Variants in RNF157 observed in about 807,000 individuals in gnomAD.
RNF157 encodes the protein ring finger protein 157.
A neutral mutation model predicts 88.3 loss-of-function variants in RNF157; 55 were observed. The observed-to-expected ratio is 0.62, with a 90% CI of 0.50 to 0.78. The LOEUF (loss-of-function observed/expected upper bound fraction) is 0.78. Ranked by LOEUF, RNF157 falls within the 30% of genes least tolerant of loss-of-function variation. The pLI is 0.00. For synonymous variants in RNF157, 334 were observed against 341.2 expected (o/e 0.98, Z 0.23); for missense variants, 788 against 860.8 (o/e 0.92, Z 1.06).
At chr17:76,226,118 C>T (rs200011009) in intron 1 of RNF157, 17 of 1,600,466 alleles carry the variant, frequency 1.1e-5, no homozygotes, top group Non-Finnish European at 1.4e-5. Flanking sequence ...CTGAGGAGAC[C>T]CCAGATAGGA....
chr17:76,218,072 G>A (rs985493566), intron 1 of RNF157, among the ~76,000 whole-genome samples: 1 of 151,974 alleles, frequency 6.6e-6, no homozygotes, highest in African/African-American at 2.4e-5. Context: ...TTAACGTTAT[G>A]TGTTTTTTTG....
chr17:76,185,184 A>G (rs77001045), intron 2 of RNF157, among the ~76,000 whole-genome samples: 4,506 of 152,264 alleles, frequency 0.03, 210 homozygotes, highest in African/African-American at 0.1. Flanking sequence ...CTACATGGCT[A>G]CGTGAACTGC....
Position 76,225,744 on chromosome 17 carries a change from C to T in RNF157, c.89-13262G>A, listed in dbSNP as rs1598443591. The T allele has an allele frequency of 3.9e-6, 6 of 1,524,404 alleles. No homozygotes were observed. The East Asian group carries it at 1.4e-4, about 34-fold the overall frequency. The allele number at this position is 1,524,404 out of a possible 1,614,324, so 94.4% of individuals were successfully genotyped here. ...CAAGCACGTTGACACTCCTGACCTACCCTCAACTAGGGGACCCTTTTCTTC... is the reference window on the plus strand; with the variant it reads ...CAAGCACGTTGACACTCCTGACCTATCCTCAACTAGGGGACCCTTTTCTTC... On this transcript the variant is annotated intron_variant, in intron 1 of 18. Transcript: ENST00000269391.
At chr17:76,235,922 T>C (rs1262493559) in intron 1 of RNF157, among the ~76,000 whole-genome samples, 1 of 152,154 alleles carries the variant, frequency 6.6e-6, no homozygotes, top group Non-Finnish European at 1.5e-5. Flanking sequence ...GGCAGGAAGA[T>C]CGCTTGAGCC....
chr17:76,238,160 G>C (rs571867988), intron 1 of RNF157, among the ~76,000 whole-genome samples: 1 of 151,874 alleles, frequency 6.6e-6, no homozygotes, highest in South Asian at 2.1e-4. Flanking sequence ...GTTCCTTTCA[G>C]GACTAATACT....
chr17:76,225,024 T>C (rs551993617), intron 1 of RNF157, among the ~76,000 whole-genome samples: 2 of 151,410 alleles, frequency 1.3e-5, no homozygotes, highest in South Asian at 4.2e-4. Context: ...ACACAAAAAT[T>C]AGCCGGGTAT....
chr17:76,224,726 A>G (rs990021188), intron 1 of RNF157, among the ~76,000 whole-genome samples: 5 of 151,838 alleles, frequency 3.3e-5, no homozygotes, highest in Non-Finnish European at 5.9e-5. Flanking sequence ...CTTTAAAAAA[A>G]AAAAAGAAAG....
intron 2 of RNF157, among the ~76,000 whole-genome samples, chr17:76,182,787 A>ATATATATATATG (rs1387837533): frequency 1.5e-5 from 2 of 134,864 alleles, no homozygotes; most frequent in Non-Finnish European, 1.6e-5. Flanking sequence ...ATATATATAT[A>ATATATATATATG]TGAGAGATAT....
rs763617415 is a variant in RNF157, at chr17:76,159,514, C to A, written c.1125G>T (p.Gly375=). The A allele has an allele frequency of 9.3e-6, 15 of 1,606,348 alleles. No homozygotes were observed. The highest frequency in any genetic ancestry group is 8.7e-5 in the Admixed American group (5 of 57,602). ...GAACTGCTGGGGACGGGGTGAGGGGCCCGTTGAGGGCCTCCAGAAGAGATA... is the reference window on the plus strand; with the variant it reads ...GAACTGCTGGGGACGGGGTGAGGGGACCGTTGAGGGCCTCCAGAAGAGATA... ...EVVSLLEALN[G]PLTPSPAVPP... Residue 375 remains glycine (G), a synonymous_variant, in exon 12 of 19, where the codon GGG becomes GGT. Transcript: ENST00000269391.
intron 18 of RNF157, among the ~76,000 whole-genome samples, chr17:76,147,962 G>T (rs995580341): frequency 2.6e-5 from 4 of 152,152 alleles, no homozygotes; most frequent in Admixed American, 1.3e-4. Flanking sequence ...AATTTCACAA[G>T]CCCCTTTCCT....
chr17:76,217,214 T>C (rs1409219806), intron 1 of RNF157, among the ~76,000 whole-genome samples: 1 of 152,150 alleles, frequency 6.6e-6, no homozygotes, highest in Admixed American at 6.6e-5. Context: ...TTCACCATGT[T>C]GGCCAGGCTG....
intron 2 of RNF157, among the ~76,000 whole-genome samples, chr17:76,180,899 A>G (rs1165270068): frequency 6.6e-6 from 1 of 152,196 alleles, no homozygotes; most frequent in Non-Finnish European, 1.5e-5. Context: ...GAAAGGAACA[A>G]CATGCCTGCC....
At chr17:76,181,340 C>T (rs1030837946) in intron 2 of RNF157, among the ~76,000 whole-genome samples, 7 of 152,160 alleles carry the variant, frequency 4.6e-5, no homozygotes, top group Non-Finnish European at 7.3e-5. Context: ...AATCATACCA[C>T]GCACCACACT....
intron 2 of RNF157, among the ~76,000 whole-genome samples, chr17:76,199,185 AC>A (rs2069529416): frequency 6.6e-6 from 1 of 152,236 alleles, no homozygotes; most frequent in Admixed American, 6.5e-5. Flanking sequence ...ATTTAAGAAA[AC>A]TATCTTCTCA....
chr17:76,185,434 G>A (rs1236804482), intron 2 of RNF157, among the ~76,000 whole-genome samples: 1 of 151,886 alleles, frequency 6.6e-6, no homozygotes, highest in Non-Finnish European at 1.5e-5. Context: ...CCCCTCCAGC[G>A]AGTTGGTAAA....
rs185361992 is a variant in RNF157 at position 76,234,188 on chromosome 17, C to T, written c.88+5965G>A. Among the ~76,000 whole-genome samples, 156 of 152,306 alleles carry T rather than the reference C, an allele frequency of 1.0e-3. 1 individual carries two copies. Among genetic ancestry groups the T allele is most frequent in the African/African-American group, 3.7e-3 (152 of 41,570 alleles). ...GAGTATAACATTTTCAAGGTTCATC[C>T]AGGTTGTAGCACATATCAAATCTTC... On this transcript the variant is annotated intron_variant, in intron 1 of 18. Transcript: ENST00000269391.
chr17:76,197,790 G>A (rs2069502081), intron 2 of RNF157, among the ~76,000 whole-genome samples: 1 of 152,130 alleles, frequency 6.6e-6, no homozygotes, highest in African/African-American at 2.4e-5. Flanking sequence ...TTTTAAGAGT[G>A]GCAGAATCAA....
chr17:76,158,339 G>T, intron 13 of RNF157, 54 bp downstream of exon 13: 1 of 1,186,650 alleles, frequency 8.4e-7, no homozygotes. Context: ...CATGCAGGTA[G>T]GAGGGAAGTC....
chr17:76,178,073 A>T (rs1041647252), intron 2 of RNF157, among the ~76,000 whole-genome samples: 5 of 152,180 alleles, frequency 3.3e-5, no homozygotes, highest in African/African-American at 1.2e-4. Context: ...TCCTTGTTGC[A>T]GGACAAGAAT....
Sources: allele counts gnomAD v4.1 joint callset (sites outside exome capture counted in the v4.1 genomes callset), GRCh38; gene constraint gnomAD v4.1.1; transcripts MANE v1.5; gene names NCBI Gene and HGNC (gene_info 2026-07-23, HGNC 2026-07-21).